The following PRKG1 variants were observed in gnomAD, a reference collection of about 807,000 sequenced individuals.
PRKG1 encodes cGMP-dependent protein kinase 1.
A neutral mutation model predicts 88.1 loss-of-function variants in PRKG1; 35 were observed. The observed-to-expected ratio is 0.40, with a 90% confidence interval of 0.30 to 0.53. The LOEUF (loss-of-function observed/expected upper bound fraction) is 0.53. PRKG1 is among the 20% of genes least tolerant of loss of function. PRKG1 has a pLI of 0.59. For missense variants in PRKG1, 540 were observed against 839.8 expected (o/e 0.64, Z 4.41); for synonymous variants, 303 against 292.5 (o/e 1.04, Z -0.37).
chr10:52,198,712 G>A (rs1326917023), intron 9 of PRKG1, among the ~76,000 whole-genome samples: 4 of 152,020 alleles, frequency 2.6e-5, no homozygotes, highest in Non-Finnish European at 4.4e-5. Context: ...GGAGAATCAA[G>A]TTCTCTCCTC....
rs142394759 is a variant in PRKG1 at position 51,791,648 on chromosome 10, C to T, written c.593-12937C>T. Reference sequence around the variant, plus strand: ...TCAGGTATATGAATAACTATGAAGCCGATATAACTCAGGTATATGAATAAC... The same window carrying T: ...TCAGGTATATGAATAACTATGAAGCTGATATAACTCAGGTATATGAATAAC... On this transcript the variant is annotated intron_variant, in intron 3 of 17. Transcript: ENST00000373980. 1.8e-3 allele frequency among the ~76,000 whole-genome samples: 272 copies of T among 151,862 alleles called. 1 individual carries two copies. Among genetic ancestry groups the T allele is most frequent in the African/African-American group, 6.4e-3 (263 of 41,394 alleles).
At chr10:51,546,534 A>C (rs1277784176) in intron 3 of PRKG1, among the ~76,000 whole-genome samples, 1 of 152,130 alleles carries the variant, frequency 6.6e-6, no homozygotes, top group Non-Finnish European at 1.5e-5. Flanking sequence ...AACTGAGACA[A>C]GCCTGTATAT....
At chr10:51,220,102 G>A (rs1195793910) in intron 2 of PRKG1, among the ~76,000 whole-genome samples, 2 of 152,192 alleles carry the variant, frequency 1.3e-5, no homozygotes, top group East Asian at 1.9e-4. Flanking sequence ...AGGATTTGAT[G>A]TGCTGTTGCT....
intron 7 of PRKG1, among the ~76,000 whole-genome samples, chr10:52,095,248 A>T (rs183285237): frequency 8.5e-5 from 13 of 152,166 alleles, no homozygotes; most frequent in African/African-American, 2.9e-4. Context: ...TATCTTCTTG[A>T]TATACTAAAT....
chr10:51,571,921 C>G (rs1837764015), intron 3 of PRKG1, among the ~76,000 whole-genome samples: 1 of 151,452 alleles, frequency 6.6e-6, no homozygotes. Context: ...CTTAAAATTT[C>G]TTATCTACCG....
At chr10:51,123,082 A>G (rs1288052404) in intron 1 of PRKG1, among the ~76,000 whole-genome samples, 2 of 152,158 alleles carry the variant, frequency 1.3e-5, no homozygotes, top group East Asian at 1.9e-4. Flanking sequence ...GTACTGAGCT[A>G]CCTCACAGGT....
chr10:51,617,209 A>G (rs1036616582), intron 3 of PRKG1, among the ~76,000 whole-genome samples: 13 of 152,152 alleles, frequency 8.5e-5, no homozygotes, highest in Non-Finnish European at 1.3e-4. Context: ...CCTTGCATTG[A>G]GGAGTATCTT....
At chr10:51,548,489 G>A (rs1393292359) in intron 3 of PRKG1, among the ~76,000 whole-genome samples, 1 of 151,896 alleles carries the variant, frequency 6.6e-6, no homozygotes, top group Non-Finnish European at 1.5e-5. Context: ...GTGCTATCAA[G>A]GCCTCCATTT....
At chr10:51,155,377 A>G (rs1314150545) in intron 2 of PRKG1, among the ~76,000 whole-genome samples, 1 of 152,066 alleles carries the variant, frequency 6.6e-6, no homozygotes, top group Non-Finnish European at 1.5e-5. Flanking sequence ...TATTGTTTAC[A>G]TATAAAATTT....
rs116868163 is a variant in PRKG1, at chr10:51,055,202, A to G, written c.266+63558A>G. 5.8e-3 allele frequency among the ~76,000 whole-genome samples: 879 copies of G among 152,256 alleles called. 28 individuals carry two copies. In the East Asian group the frequency reaches 0.093, roughly 16 times the overall value. ...ATGTGCTGCCATGTGAAGCTTCATC[A>G]GTGTTCAATGGCAGGGATTGGTTTG... is the stretch of plus-strand genomic sequence containing the variant. On this transcript the variant is annotated intron_variant, in intron 1 of 17. Coordinates refer to the PRKG1 transcript ENST00000401604.
At chr10:51,822,521 T>G (rs1045625209) in intron 4 of PRKG1, among the ~76,000 whole-genome samples, 7 of 152,128 alleles carry the variant, frequency 4.6e-5, no homozygotes, top group East Asian at 1.9e-4. Context: ...GTCAGCCACA[T>G]AGATTGTCTT....
chr10:51,791,786 A>C (rs1327579808), intron 3 of PRKG1, among the ~76,000 whole-genome samples: 3 of 152,100 alleles, frequency 2.0e-5, no homozygotes, highest in Admixed American at 1.3e-4. Context: ...TTCATAGACA[A>C]AGTGGCTTTT....
At chr10:51,577,238 G>T (rs1335881881) in intron 3 of PRKG1, among the ~76,000 whole-genome samples, 2 of 151,850 alleles carry the variant, frequency 1.3e-5, no homozygotes, top group Admixed American at 1.3e-4. Context: ...TGTTAGCATT[G>T]TACACTTGCA....
intron 9 of PRKG1, among the ~76,000 whole-genome samples, chr10:52,164,360 G>GTAAATAAATAAATAAATAAA (rs200650039): frequency 1.4e-5 from 2 of 140,220 alleles, no homozygotes; most frequent in South Asian, 2.2e-4. Flanking sequence ...TCAAAAATAA[G>GTAAATAAATAAATAAATAAA]TAAGTAAATA....
chr10:51,723,837 A>C (rs538724156), intron 3 of PRKG1, among the ~76,000 whole-genome samples: 1 of 152,306 alleles, frequency 6.6e-6, no homozygotes, highest in African/African-American at 2.4e-5. Flanking sequence ...GAATAGTTGC[A>C]TCATATTAGT....
intron 4 of PRKG1, among the ~76,000 whole-genome samples, chr10:51,899,769 G>A (rs1324093282): frequency 6.7e-5 from 10 of 149,462 alleles, no homozygotes; most frequent in Non-Finnish European, 1.2e-4. Context: ...TGGATGTGTG[G>A]CCCCCTCCCA....
At chr10:51,918,814 T>A (rs1381793277) in intron 5 of PRKG1, among the ~76,000 whole-genome samples, 4 of 151,688 alleles carry the variant, frequency 2.6e-5, no homozygotes, top group African/African-American at 9.7e-5. Flanking sequence ...TGGTCTGAAT[T>A]AGATAAATTG....
chr10:51,997,469 C>CAAAA (rs200543963), intron 5 of PRKG1, among the ~76,000 whole-genome samples: 1 of 71,618 alleles, frequency 1.4e-5, no homozygotes, highest in South Asian at 5.8e-4. Flanking sequence ...GACTCTGTCT[C>CAAAA]AAAAAAAAAA....
chr10:51,132,466 G>A (rs1845588972), intron 1 of PRKG1, among the ~76,000 whole-genome samples: 1 of 151,964 alleles, frequency 6.6e-6, no homozygotes, highest in Non-Finnish European at 1.5e-5. Context: ...TGTTACAAAT[G>A]TCATCATAAG....
Sources: gnomAD v4.1 joint callset for allele counts (sites outside exome capture counted in the v4.1 genomes callset) on GRCh38, gnomAD v4.1.1 for gene constraint, MANE v1.5 for transcripts, NCBI Gene and HGNC (gene_info 2026-07-23, HGNC 2026-07-21) for gene names.